CRY1: variants seen among roughly 807,000 people sequenced by gnomAD.
The protein encoded by CRY1 is cryptochrome circadian regulator 1.
Under a neutral mutation model 76.0 loss-of-function variants are expected in CRY1, and 45 were observed. That is an observed-to-expected ratio of 0.59 (90% CI 0.47 to 0.76). The LOEUF (loss-of-function observed/expected upper bound fraction) is 0.76, where lower values mean the gene tolerates loss of function less well. Among genes scored for constraint, CRY1 ranks in the 30% least tolerant of loss-of-function variants. CRY1 has a pLI of 0.00. For missense variants in CRY1, 587 were observed against 716.4 expected (o/e 0.82, Z 2.06); for synonymous variants, 248 against 244.0 (o/e 1.02, Z -0.15).
chr12:107,026,008 G>T (rs1952604572), intron 1 of CRY1, among the ~76,000 whole-genome samples: 1 of 148,154 alleles, frequency 6.7e-6, no homozygotes, highest in African/African-American at 2.5e-5. Context: ...CCATCTTAAA[G>T]TCACTTCTAC....
At chr12:107,005,326 T>G in intron 2 of CRY1, 78 bp from the exon 3 acceptor site, 1 of 1,437,494 alleles carries the variant, frequency 7.0e-7, no homozygotes. Context: ...GTGAAAAAGC[T>G]GAAAATCTAC....
chr12:107,038,660 A>G (rs993252492), intron 1 of CRY1, among the ~76,000 whole-genome samples: 1 of 152,248 alleles, frequency 6.6e-6, no homozygotes, highest in East Asian at 1.9e-4. Context: ...GAACGATGTC[A>G]GTGAAATGAT....
intron 2 of CRY1, among the ~76,000 whole-genome samples, chr12:107,011,785 A>G (rs529073644): frequency 1.3e-5 from 2 of 152,364 alleles, no homozygotes; most frequent in African/African-American, 4.8e-5. Context: ...ATCCAGATCT[A>G]TCTAAGATAA....
chr12:107,066,590 A>C (rs1953114163), intron 1 of CRY1, among the ~76,000 whole-genome samples: 1 of 151,664 alleles, frequency 6.6e-6, no homozygotes, highest in Non-Finnish European at 1.5e-5. Flanking sequence ...CAAGTAACAG[A>C]GACTACATGG....
chr12:107,035,067 T>C (rs1952718830), intron 1 of CRY1, among the ~76,000 whole-genome samples: 1 of 152,198 alleles, frequency 6.6e-6, no homozygotes, highest in African/African-American at 2.4e-5. Flanking sequence ...TAAAATAACA[T>C]CTGCCTAACG....
Position 107,029,677 on chromosome 12 carries a change from T to G in CRY1, c.159-7485A>C, listed in dbSNP as rs564176050. On this transcript the variant is annotated intron_variant, in intron 1 of 12. Transcript: ENST00000008527. Reference sequence around the variant, plus strand: ...CCTCTACAAAATTTCTAAAATGTGTTTGAAGGAGTGATACTGTTAATTACT... The same window carrying G: ...CCTCTACAAAATTTCTAAAATGTGTGTGAAGGAGTGATACTGTTAATTACT... Among the ~76,000 whole-genome samples, 27 of 152,134 alleles carry G rather than the reference T, an allele frequency of 1.8e-4. No homozygotes were observed. In the East Asian group the frequency reaches 2.9e-3, roughly 16 times the overall value.
intron 1 of CRY1, among the ~76,000 whole-genome samples, chr12:107,084,783 C>T (rs1195961880): frequency 6.6e-6 from 1 of 152,214 alleles, no homozygotes; most frequent in South Asian, 2.1e-4. Context: ...ATGACTAAAA[C>T]ACCAAAAGCA....
chr12:107,072,004 C>CA (rs1244502640), intron 1 of CRY1, among the ~76,000 whole-genome samples: 4 of 151,554 alleles, frequency 2.6e-5, no homozygotes, highest in Admixed American at 6.6e-5. Context: ...GTCATACAAA[C>CA]AAAAAAAAGC....
intron 1 of CRY1, among the ~76,000 whole-genome samples, chr12:107,077,877 T>C (rs1953277197): frequency 6.6e-6 from 1 of 152,082 alleles, no homozygotes; most frequent in Non-Finnish European, 1.5e-5. Context: ...TACAATCTGA[T>C]TTCTATCCTT....
chr12:107,012,602 T>TA (rs1171642871), intron 2 of CRY1, among the ~76,000 whole-genome samples: 1 of 152,242 alleles, frequency 6.6e-6, no homozygotes, highest in African/African-American at 2.4e-5. Context: ...GATCAAGGAA[T>TA]AATTCTGACT....
intron 8 of CRY1, 92 bp from the exon 9 acceptor site, chr12:106,997,782 T>C (rs1952250173): frequency 1.3e-6 from 2 of 1,539,548 alleles, no homozygotes; most frequent in Non-Finnish European, 1.8e-6. Context: ...ATCAAGACCA[T>C]TTAAATGATC....
chr12:107,001,958 G>A lies in CRY1; in HGVS notation c.411-10C>T. On this transcript the variant is annotated splice_polypyrimidine_tract_variant and intron_variant, in intron 3 of 12. Transcript: ENST00000008527. ...ATTGAGTTCTATGATCCTATAACAA[G>A]AGTTAGTAAAATGTAGTTAGTATTA... 6.4e-7 allele frequency: 1 copy of A among 1,560,524 alleles called. No individual in the cohort carries two copies. The highest frequency in any genetic ancestry group is 8.6e-7 in the Non-Finnish European group (1 of 1,163,372).
chr12:107,080,826 T>C (rs1953314389), intron 1 of CRY1, among the ~76,000 whole-genome samples: 1 of 151,972 alleles, frequency 6.6e-6, no homozygotes, highest in South Asian at 2.1e-4. Context: ...CTATTAGACA[T>C]CTTGCTCAAG....
At chr12:107,025,139 T>C (rs1030464617) in intron 1 of CRY1, among the ~76,000 whole-genome samples, 2 of 152,104 alleles carry the variant, frequency 1.3e-5, no homozygotes, top group African/African-American at 4.8e-5. Flanking sequence ...ATTAATCATA[T>C]CTCCCCGTTA....
chr12:107,072,595 A>G (rs1184925195), intron 1 of CRY1, among the ~76,000 whole-genome samples: 10 of 152,240 alleles, frequency 6.6e-5, no homozygotes, highest in Non-Finnish European at 8.8e-5. Context: ...TAAGGCTAAC[A>G]TGATCTCATT....
chr12:107,005,363 A>G (rs1349115147), intron 2 of CRY1, 115 bp from the exon 3 acceptor site: 10 of 1,084,270 alleles, frequency 9.2e-6, no homozygotes, highest in Non-Finnish European at 1.3e-5. Flanking sequence ...CATAAATCAA[A>G]CTTTGAATAT....
chr12:106,995,024 T>C (rs191029225), intron 10 of CRY1, among the ~76,000 whole-genome samples: 1 of 152,350 alleles, frequency 6.6e-6, no homozygotes, highest in East Asian at 1.9e-4. Flanking sequence ...ACTTATGGCA[T>C]TCCATTTGCA....
intron 1 of CRY1, among the ~76,000 whole-genome samples, chr12:107,050,631 A>C (rs1265675735): frequency 6.6e-6 from 1 of 152,206 alleles, no homozygotes; most frequent in African/African-American, 2.4e-5. Flanking sequence ...TAGCCTACAG[A>C]AGTGTGTGCC....
At chr12:107,017,391 C>G (rs1952508240) in intron 2 of CRY1, among the ~76,000 whole-genome samples, 1 of 152,206 alleles carries the variant, frequency 6.6e-6, no homozygotes, top group Non-Finnish European at 1.5e-5. Flanking sequence ...TGTTAATTCT[C>G]AAAATTCTGT....
Sources: allele counts gnomAD v4.1 joint callset (sites outside exome capture counted in the v4.1 genomes callset), GRCh38; gene constraint gnomAD v4.1.1; transcripts MANE v1.5; gene names NCBI Gene and HGNC (gene_info 2026-07-23, HGNC 2026-07-21).